ETFA: variants seen among roughly 807,000 people sequenced by gnomAD.
The protein encoded by ETFA is electron transfer flavoprotein subunit alpha.
ETFA carries 22 observed loss-of-function variants against 46.2 expected under a neutral mutation model. The observed-to-expected ratio is 0.48, with a 90% CI of 0.34 to 0.68. The LOEUF (loss-of-function observed/expected upper bound fraction) is 0.68, where lower values mean the gene tolerates loss of function less well. Ranked by LOEUF, ETFA falls within the 30% of genes least tolerant of loss-of-function variation. ETFA has a pLI of 0.01. For missense variants in ETFA, 345 were observed against 401.1 expected (o/e 0.86, Z 1.19); for synonymous variants, 131 against 139.9 (o/e 0.94, Z 0.45).
At chr15:76,304,076 G>GGT (rs1163156120) in intron 1 of ETFA, among the ~76,000 whole-genome samples, 1 of 152,096 alleles carries the variant, frequency 6.6e-6, no homozygotes, top group Admixed American at 6.6e-5. Flanking sequence ...AAGAAAATGT[G>GGT]GTATATATAC....
chr15:76,291,086 T>C (rs1223707390), intron 4 of ETFA, among the ~76,000 whole-genome samples: 2 of 151,994 alleles, frequency 1.3e-5, no homozygotes, highest in Non-Finnish European at 1.5e-5. Context: ...CATGGTGGCA[T>C]GTACCTGTAG....
intron 9 of ETFA, among the ~76,000 whole-genome samples, chr15:76,271,178 A>G (rs1405141694): frequency 5.3e-5 from 8 of 152,112 alleles, no homozygotes; most frequent in African/African-American, 1.9e-4. Flanking sequence ...TCAAAAAAAA[A>G]AAAAAAAAAA....
chr15:76,277,383 G>A (rs913223725), intron 8 of ETFA, among the ~76,000 whole-genome samples: 3 of 152,076 alleles, frequency 2.0e-5, no homozygotes, highest in African/African-American at 4.8e-5. Context: ...TCCCCTTGTC[G>A]GAAGCATGAG....
At chr15:76,282,381 T>C (rs889721821) in intron 8 of ETFA, among the ~76,000 whole-genome samples, 6 of 152,148 alleles carry the variant, frequency 3.9e-5, no homozygotes, top group Non-Finnish European at 5.9e-5. Flanking sequence ...AGAGGGAGTA[T>C]GGCCCCTGCT....
At position 76,243,736 on chromosome 15, in the gene ETFA, T is replaced by C. The variant is rs550272036; in HGVS notation, c.817-12338A>G. On this transcript the variant is annotated intron_variant, in intron 9 of 11. Transcript: ENST00000557943. ...ATCACTTGAACCTGGGAGGCAGAGG[T>C]TGCAGTGAGCCCAGATCATGCTGCT... Among the ~76,000 whole-genome samples, 25 of 150,354 alleles carry C rather than the reference T, an allele frequency of 1.7e-4. No homozygotes were observed. In the Middle Eastern group the frequency reaches 0.01, roughly 61 times the overall value.
intron 1 of ETFA, among the ~76,000 whole-genome samples, chr15:76,306,849 T>C (rs1044059737): frequency 2.0e-5 from 3 of 152,232 alleles, no homozygotes; most frequent in Admixed American, 6.5e-5. Flanking sequence ...AGACTCTTAG[T>C]AGACACATTG....
At chr15:76,228,148 T>A in intron 10 of ETFA, 1 of 365,638 alleles carries the variant, frequency 2.7e-6, no homozygotes, top group South Asian at 2.1e-5. Flanking sequence ...GGGAGTTTAA[T>A]CATCCGAAAG....
intron 4 of ETFA, among the ~76,000 whole-genome samples, chr15:76,290,035 A>G (rs2039743980): frequency 6.6e-6 from 1 of 152,218 alleles, no homozygotes; most frequent in African/African-American, 2.4e-5. Context: ...CACAAAGATT[A>G]TTTCACCCAT....
At chr15:76,310,388 A>C (rs958015045) in intron 1 of ETFA, among the ~76,000 whole-genome samples, 19 of 135,022 alleles carry the variant, frequency 1.4e-4, no homozygotes, top group Non-Finnish European at 2.7e-4. Context: ...AAAAAAAAAA[A>C]AAAAGGAGAA....
At chr15:76,241,725 C>T (rs1239596157) in intron 9 of ETFA, among the ~76,000 whole-genome samples, 5 of 148,166 alleles carry the variant, frequency 3.4e-5, no homozygotes, top group African/African-American at 1.3e-4. Context: ...TGGCATGAAC[C>T]CGGGAGGCAG....
chr15:76,306,306 G>A (rs1178565413), intron 1 of ETFA, among the ~76,000 whole-genome samples: 15 of 124,088 alleles, frequency 1.2e-4, no homozygotes, highest in African/African-American at 2.9e-4. Flanking sequence ...TCGCTCAGTC[G>A]CCCAGACTGC....
At chr15:76,311,302 G>A (rs1046614125) in intron 1 of ETFA, 48 bp downstream of exon 1, 2 of 1,545,838 alleles carry the variant, frequency 1.3e-6, no homozygotes, top group Non-Finnish European at 1.7e-6. Flanking sequence ...AGGGACGGCG[G>A]GTTGACGGGG....
intron 10 of ETFA, chr15:76,228,676 C>T (rs1251478856): frequency 6.5e-6 from 1 of 153,250 alleles, no homozygotes; most frequent in Non-Finnish European, 1.5e-5. Context: ...TCAATAGCTC[C>T]TCACAAGCTC....
chr15:76,285,841 AAG>A, intron 6 of ETFA, 103 bp from the exon 7 acceptor site: 1 of 792,624 alleles, frequency 1.3e-6, no homozygotes, highest in Middle Eastern at 2.4e-4. Context: ...CACGAAATTT[AAG>A]TTAATTACTG....
intron 1 of ETFA, among the ~76,000 whole-genome samples, chr15:76,305,150 T>C (rs1157675943): frequency 5.9e-5 from 9 of 152,212 alleles, no homozygotes; most frequent in East Asian, 1.9e-4. Flanking sequence ...TTCACAGATA[T>C]CCTTTCAGTG....
At chr15:76,302,083 G>A (rs1367714242) in intron 1 of ETFA, among the ~76,000 whole-genome samples, 4 of 152,186 alleles carry the variant, frequency 2.6e-5, no homozygotes, top group Non-Finnish European at 5.9e-5. Context: ...TTCATTGCTG[G>A]TAAAAATGCA....
chr15:76,249,186 T>C (rs2039272056), intron 9 of ETFA, among the ~76,000 whole-genome samples: 1 of 149,576 alleles, frequency 6.7e-6, no homozygotes, highest in Non-Finnish European at 1.5e-5. Context: ...TGGAGTGCAA[T>C]GGCGTGATCT....
At chr15:76,255,527 T>A (rs563450985) in intron 9 of ETFA, among the ~76,000 whole-genome samples, 1 of 152,332 alleles carries the variant, frequency 6.6e-6, no homozygotes, top group East Asian at 1.9e-4. Context: ...CACATTCCAG[T>A]GGTACGTAAC....
intron 11 of ETFA, among the ~76,000 whole-genome samples, chr15:76,225,486 T>A (rs1485875416): frequency 6.6e-6 from 1 of 152,020 alleles, no homozygotes; most frequent in African/African-American, 2.4e-5. Flanking sequence ...AGACGGGGTT[T>A]CACTGTGTTA....
Sources: allele counts gnomAD v4.1 joint callset (sites outside exome capture counted in the v4.1 genomes callset), GRCh38; gene constraint gnomAD v4.1.1; transcripts MANE v1.5; gene names NCBI Gene and HGNC (gene_info 2026-07-23, HGNC 2026-07-21).